NOX4: variants seen among roughly 807,000 people sequenced by gnomAD.
The protein encoded by NOX4 is NADPH oxidase 4.
Under a neutral mutation model 87.6 loss-of-function variants are expected in NOX4, and 69 were observed. That is an observed-to-expected ratio of 0.79 (90% CI 0.65 to 0.96). The LOEUF (loss-of-function observed/expected upper bound fraction) is 0.96, where lower values mean the gene tolerates loss of function less well. NOX4 is among the 40% of genes least tolerant of loss of function. The pLI is 0.00. For missense variants in NOX4, 680 were observed against 681.5 expected, an observed-to-expected ratio of 1.00 and a Z score of 0.02; for synonymous variants, 275 against 238.2, an observed-to-expected ratio of 1.15 and a Z score of -1.42.
chr11:89,387,458 ACT>A (rs1213460483), intron 11 of NOX4, among the ~76,000 whole-genome samples: 6 of 151,612 alleles, frequency 4.0e-5, no homozygotes, highest in Non-Finnish European at 1.5e-5. Context: ...CCCTTCACTG[ACT>A]CTCTTTTCAG....
the NOX4 span, among the ~76,000 whole-genome samples, chr11:89,561,780 C>T: frequency 6.6e-6 from 1 of 152,020 alleles, no homozygotes; most frequent in African/African-American, 2.4e-5. Flanking sequence ...TGGCCGCAAA[C>T]AAGCAAATCC....
the NOX4 span, among the ~76,000 whole-genome samples, chr11:89,506,296 A>AG: frequency 3.0e-4 from 26 of 87,270 alleles, no homozygotes; most frequent in Middle Eastern, 6.7e-3. Flanking sequence ...AGAAAGAAAG[A>AG]AAGAAAGAGA....
At chr11:89,501,620 T>TACAAAG (rs1407946492), upstream of NOX4, among the ~76,000 whole-genome samples, 9 of 152,114 alleles carry the variant, frequency 5.9e-5, no homozygotes, top group African/African-American at 1.9e-4. Context: ...CGACCTTTGT[T>TACAAAG]GTTAGCTCTC....
the NOX4 span, chr11:89,589,321 G>A: frequency 6.6e-6 from 1 of 152,204 alleles, no homozygotes; most frequent in Non-Finnish European, 1.5e-5. Context: ...TCCTTGAGAA[G>A]TGGAATTTCT....
At chr11:89,562,665 T>C in the NOX4 span, among the ~76,000 whole-genome samples, 1 of 152,206 alleles carries the variant, frequency 6.6e-6, no homozygotes, top group South Asian at 2.1e-4. Context: ...AAGACCTAGC[T>C]CAAAGATTCT....
chr11:89,346,539 T>C (rs1221852793), intron 13 of NOX4, among the ~76,000 whole-genome samples: 1 of 141,598 alleles, frequency 7.1e-6, no homozygotes, highest in African/African-American at 2.8e-5. Context: ...TCTGAAAAGA[T>C]GTATGGCAGC....
At chr11:89,585,236 T>C in the NOX4 span, among the ~76,000 whole-genome samples, 1 of 152,090 alleles carries the variant, frequency 6.6e-6, no homozygotes, top group Non-Finnish European at 1.5e-5. Context: ...TAGGAGCCAC[T>C]CTCATATTGC....
At chr11:89,474,011 T>C (rs1946058751) in intron 2 of NOX4, among the ~76,000 whole-genome samples, 1 of 152,178 alleles carries the variant, frequency 6.6e-6, no homozygotes, top group South Asian at 2.1e-4. Context: ...TAGATTCTTC[T>C]GACAAACTCT....
intron 7 of NOX4, among the ~76,000 whole-genome samples, chr11:89,431,396 C>G (rs148626849): frequency 0.035 from 5,277 of 152,156 alleles, 322 homozygotes; most frequent in African/African-American, 0.12. Context: ...GCAAAAGAAA[C>G]TACCATCAGA....
chr11:89,533,272 G>A, the NOX4 span, among the ~76,000 whole-genome samples: 1 of 151,724 alleles, frequency 6.6e-6, no homozygotes, highest in Non-Finnish European at 1.5e-5. Context: ...TCCTAAATTG[G>A]TGTTTTATAT....
the NOX4 span, among the ~76,000 whole-genome samples, chr11:89,547,299 AAAGATTAATGAGGT>A: frequency 6.6e-6 from 1 of 152,200 alleles, no homozygotes. Flanking sequence ...AACAGTAAGC[AAAGATTAATGAGGT>A]ACAGTAAATT....
At chr11:89,434,953 G>A (rs1944002077) in intron 6 of NOX4, among the ~76,000 whole-genome samples, 1 of 152,016 alleles carries the variant, frequency 6.6e-6, no homozygotes, top group Non-Finnish European at 1.5e-5. Context: ...CAGATCAGTT[G>A]CTAGGAGGGG....
rs369378240 is a variant in NOX4, at chr11:89,481,825, C to A, written c.153+8633G>T. The stretch of plus-strand genomic sequence containing the variant: ...CTAGAACAGTCCACAGTTCTACAGG[C>A]TCCTCTCCCTCCAGGCTGAGCATTG... On this transcript the variant is annotated intron_variant, in intron 2 of 17. Transcript: ENST00000263317. 1.2e-4 allele frequency among the ~76,000 whole-genome samples: 19 copies of A among 152,154 alleles called. 1 individual carries two copies. The highest frequency in any genetic ancestry group is 3.9e-4 in the Admixed American group (6 of 15,252).
intron 11 of NOX4, among the ~76,000 whole-genome samples, chr11:89,396,219 G>C (rs1359918386): frequency 3.4e-4 from 51 of 151,932 alleles, no homozygotes; most frequent in South Asian, 6.2e-4. Flanking sequence ...AGGTCCTTCA[G>C]ATCCCTTGTA....
In NOX4 at chr11:89,353,655, C is replaced by A. The variant is rs151079864; in HGVS notation, c.1217+1307G>T. Among the ~76,000 whole-genome samples, 123 of 152,210 alleles carry A rather than the reference C, an allele frequency of 8.1e-4. 1 individual carries two copies. The East Asian group carries it at 0.021, about 26-fold the overall frequency. On this transcript the variant is annotated intron_variant, in intron 13 of 17. Transcript: ENST00000263317. The stretch of plus-strand genomic sequence containing the variant: ...GCCTAGAATCAAACCCACAATATCT[C>A]TGAGGTATTCCTGTAGCTGCAAATA...
chr11:89,473,491 A>G (rs1202693684), intron 2 of NOX4, among the ~76,000 whole-genome samples: 2 of 152,150 alleles, frequency 1.3e-5, no homozygotes, highest in Non-Finnish European at 2.9e-5. Context: ...GAAAACGCAC[A>G]TGACAATGAT....
chr11:89,471,384 A>G (rs1237142996), intron 2 of NOX4, among the ~76,000 whole-genome samples: 1 of 152,034 alleles, frequency 6.6e-6, no homozygotes, highest in Non-Finnish European at 1.5e-5. Flanking sequence ...ACGAAAGTCA[A>G]CAAAAAATAG....
rs189312043 is a variant in NOX4 at position 89,488,504 on chromosome 11, C to A, written c.153+1954G>T. On this transcript the variant is annotated intron_variant, in intron 2 of 17. Coordinates refer to ENST00000263317, the MANE Select transcript of NOX4 (RefSeq NM_016931.5). ...ATTTGAAATTCAGTTATACAGTATCCAAGTTCATGAAAATTAATGAGTTGG... is the reference window on the plus strand; with the variant it reads ...ATTTGAAATTCAGTTATACAGTATCAAAGTTCATGAAAATTAATGAGTTGG... Among the ~76,000 whole-genome samples the A allele has an allele frequency of 6.0e-3, 909 of 152,090 alleles. 8 individuals are homozygous for A. Among genetic ancestry groups the A allele is most frequent in the African/African-American group, 0.021 (866 of 41,500 alleles).
chr11:89,469,637 C>T (rs1192902243), intron 2 of NOX4, among the ~76,000 whole-genome samples: 1 of 152,158 alleles, frequency 6.6e-6, no homozygotes, highest in African/African-American at 2.4e-5. Flanking sequence ...AGAATGGGAA[C>T]CCAAGTCTCC....
Sources: allele counts gnomAD v4.1 joint callset (sites outside exome capture counted in the v4.1 genomes callset), GRCh38; gene constraint gnomAD v4.1.1; transcripts MANE v1.5; gene names NCBI Gene and HGNC (gene_info 2026-07-23, HGNC 2026-07-21).